The following CCNT2 variants were observed in gnomAD, a reference collection of about 807,000 sequenced individuals.
CCNT2 encodes cyclin-T2.
CCNT2 carries 18 observed loss-of-function variants against 70.0 expected under a neutral mutation model. The observed-to-expected ratio is 0.26, with a 90% CI of 0.18 to 0.38. The LOEUF is 0.38. CCNT2 is among the 10% of genes least tolerant of loss of function. The probability of loss-of-function intolerance (pLI) is 1.00; values close to 1 mark genes in which losing one functional copy is unlikely to be tolerated. For missense variants in CCNT2, 734 were observed against 890.2 expected, an observed-to-expected ratio of 0.82 and a Z score of 2.23; for synonymous variants, 334 against 313.3, an observed-to-expected ratio of 1.07 and a Z score of -0.70.
chr2:134,924,214 T>A (rs1022470482), intron 2 of CCNT2, among the ~76,000 whole-genome samples: 1 of 152,232 alleles, frequency 6.6e-6, no homozygotes, highest in Non-Finnish European at 1.5e-5. Context: ...CACATCCAGT[T>A]GTATTCCATC....
intron 2 of CCNT2, among the ~76,000 whole-genome samples, chr2:134,924,151 C>G (rs1403533367): frequency 6.6e-6 from 1 of 152,192 alleles, no homozygotes; most frequent in African/African-American, 2.4e-5. Flanking sequence ...CCCCAGATAA[C>G]TCTCTTTTCC....
At chr2:134,952,845 T>C (rs1379276191) in intron 8 of CCNT2, 134 bp downstream of exon 8, 1 of 659,206 alleles carries the variant, frequency 1.5e-6, no homozygotes, top group Admixed American at 3.0e-5. Flanking sequence ...AAGTTACATA[T>C]ACTCACATAT....
chr2:134,919,761 G>C (rs1306939285), intron 1 of CCNT2, 49 bp from the exon 2 acceptor site: 1 of 1,394,754 alleles, frequency 7.2e-7, no homozygotes, highest in East Asian at 2.4e-5. Context: ...AATTGTTCTG[G>C]GAATGAGATC....
chr2:134,954,704 G>A lies in CCNT2; in HGVS notation c.*56G>A. 6.5e-6 allele frequency: 8 copies of A among 1,231,060 alleles called. No individual in the cohort carries two copies. Among genetic ancestry groups the A allele is most frequent in the Admixed American group, 1.9e-5 (1 of 52,872 alleles). 76.3% of individuals were successfully genotyped at this position (1,231,060 alleles called of 1,614,324 possible). A position where few individuals can be genotyped will look rare whatever the true frequency, so the allele number is the denominator to read the frequency against. ...TTTTTAATTTAAAAATTGTTAGAAT[G>A]GAAAAATTCCTTCTGATCTAGCAGT... On this transcript the variant is annotated 3_prime_UTR_variant, in exon 9 of 9. Transcript: ENST00000264157.
Position 134,939,046 on chromosome 2 carries a change from A to G in CCNT2, c.414A>G (p.Ile138Met). The change falls in exon 4 of 9, where the codon ATA becomes ATG. Residue 138 changes from isoleucine (I) to methionine (M), a missense_variant. Physicochemically the swap from Ile to Met is conservative, Grantham distance 10 (BLOSUM62 1). Transcript: ENST00000264157. ...QTQELVILET[I>M]MLQTLGFEIT... is the part of the protein sequence containing the mutation. ...AAGAACTGGTTATACTTGAAACCATAATGCTACAAACTCTAGGTACGTACT... is the reference window on the plus strand; with the variant it reads ...AAGAACTGGTTATACTTGAAACCATGATGCTACAAACTCTAGGTACGTACT... 1 of 1,609,948 alleles carries G rather than the reference A, an allele frequency of 6.2e-7. No homozygotes were observed. The highest frequency in any genetic ancestry group is 1.1e-5 in the South Asian group (1 of 90,864).
At chr2:134,919,465 T>C (rs3769027) in intron 1 of CCNT2, among the ~76,000 whole-genome samples, 52,784 of 151,590 alleles carry the variant, frequency 0.35, 9,954 homozygotes, top group Middle Eastern at 0.67. Flanking sequence ...CTTGGGAGCG[T>C]ACTGGAGTTC....
chr2:134,943,661 C>G, intron 5 of CCNT2: 2 of 984,616 alleles, frequency 2.0e-6, no homozygotes, highest in Non-Finnish European at 2.4e-6. Context: ...ACAGCATTTT[C>G]TACTCCTAAA....
At chr2:134,923,274 CTA>C (rs1314943068) in intron 2 of CCNT2, among the ~76,000 whole-genome samples, 1 of 152,058 alleles carries the variant, frequency 6.6e-6, no homozygotes, top group African/African-American at 2.4e-5. Context: ...GAACGAGACT[CTA>C]TCTCAAAAAA....
At position 134,958,970 on chromosome 2, in the gene CCNT2, C is replaced by T. The variant is rs542529667; in HGVS notation, c.*4322C>T. 2.0e-5 allele frequency: 3 copies of T among 152,280 alleles called. No individual in the cohort carries two copies. The highest frequency in any genetic ancestry group is 4.1e-4 in the South Asian group (2 of 4,822). The allele number at this position is 152,280 out of a possible 1,614,324, so 9.4% of individuals were successfully genotyped here. A position where few individuals can be genotyped will look rare whatever the true frequency, so the allele number is the denominator to read the frequency against. ...ATCCATTTATCTCAAAGTTTGAGGG[C>T]TGTCTACTTTATTTTCAAGTTTGGG... On this transcript the variant is annotated 3_prime_UTR_variant, in exon 9 of 9. Coordinates refer to ENST00000264157, the MANE Select transcript of CCNT2 (RefSeq NM_058241.3).
At chr2:134,923,204 C>CT (rs1435155247) in intron 2 of CCNT2, among the ~76,000 whole-genome samples, 1 of 152,132 alleles carries the variant, frequency 6.6e-6, no homozygotes, top group African/African-American at 2.4e-5. Flanking sequence ...TCACTTGAAC[C>CT]TGAGAGGTGG....
chr2:134,944,843 T>C (rs1318591166), intron 5 of CCNT2: 1 of 985,088 alleles, frequency 1.0e-6, no homozygotes, highest in Non-Finnish European at 1.2e-6. Flanking sequence ...GATCACTGAA[T>C]TTAGATACAT....
rs577579213 is a variant in CCNT2, at chr2:134,958,196, T to G, written c.*3548T>G. 3.9e-5 allele frequency: 6 copies of G among 152,362 alleles called. No homozygotes were observed. The highest frequency in any genetic ancestry group is 7.3e-5 in the Non-Finnish European group (5 of 68,032). 9.4% of individuals were successfully genotyped at this position (152,362 alleles called of 1,614,324 possible). A position where few individuals can be genotyped will look rare whatever the true frequency, so the allele number is the denominator to read the frequency against. ...TTTTCTATAGACATGGGGACTTTTT[T>G]AACATGGTAACGTCTTAGGAAAACC... On this transcript the variant is annotated 3_prime_UTR_variant, in exon 9 of 9. Transcript: ENST00000264157.
chr2:134,930,892 T>C (rs1473005007), intron 2 of CCNT2, among the ~76,000 whole-genome samples: 1 of 152,172 alleles, frequency 6.6e-6, no homozygotes, highest in Non-Finnish European at 1.5e-5. Context: ...CCAAGAGTTT[T>C]ATAGATTTAG....
chr2:134,927,942 G>C (rs1680417670), intron 2 of CCNT2, among the ~76,000 whole-genome samples: 1 of 152,156 alleles, frequency 6.6e-6, no homozygotes, highest in Admixed American at 6.5e-5. Context: ...CATGTAACGT[G>C]AATTTTTCTC....
intron 7 of CCNT2, among the ~76,000 whole-genome samples, chr2:134,948,493 T>C (rs577694199): frequency 1.4e-4 from 22 of 152,336 alleles, no homozygotes; most frequent in Non-Finnish European, 2.6e-4. Flanking sequence ...CAGGGGATTG[T>C]GTTTCTTGCT....
At chr2:134,947,559 A>G (rs1226636507) in intron 6 of CCNT2, among the ~76,000 whole-genome samples, 177 bp from the exon 7 acceptor site, 3 of 152,190 alleles carry the variant, frequency 2.0e-5, no homozygotes, top group Non-Finnish European at 2.9e-5. Flanking sequence ...CATTTTATGT[A>G]GATTTTTTAG....
rs1030646181 is a variant in CCNT2, at chr2:134,956,071, C to G, written c.*1423C>G. 1.3e-5 allele frequency: 2 copies of G among 152,552 alleles called. No individual in the cohort carries two copies. The highest frequency in any genetic ancestry group is 2.4e-5 in the African/African-American group (1 of 41,444). The allele number at this position is 152,552 out of a possible 1,614,324, so 9.4% of individuals were successfully genotyped here. A position where few individuals can be genotyped will look rare whatever the true frequency, so the allele number is the denominator to read the frequency against. ...ATATGGCTCTTGTTTATCAGCTAAT[C>G]TTGAATTTATTCTGTGGTAAATCTT... On this transcript the variant is annotated 3_prime_UTR_variant, in exon 9 of 9. Transcript: ENST00000264157.
In CCNT2 at chr2:134,954,619, C is replaced by A. The variant is rs770113338; in HGVS notation, c.2164C>A (p.Leu722Met). The A allele has an allele frequency of 6.2e-7, 1 of 1,608,088 alleles. No homozygotes were observed. The highest frequency in any genetic ancestry group is 8.5e-7 in the Non-Finnish European group (1 of 1,174,974). ...AGACACATTCGACATGCTGGACTCACTGTTAAGTGCCCAAGGAATGAACAT... is the reference window on the plus strand; with the variant it reads ...AGACACATTCGACATGCTGGACTCAATGTTAAGTGCCCAAGGAATGAACAT... The part of the protein sequence containing the change: ...YKDTFDMLDS[L>M]LSAQGMNM Residue 722 changes from leucine to methionine, a missense_variant, in exon 9 of 9, where the codon CTG (leucine) becomes ATG (methionine). Physicochemically the swap from Leu to Met is conservative, Grantham distance 15. This residue lies in a region of CCNT2 where 532 missense variants were observed against 556.9 expected (regional missense o/e 0.96). Transcript: ENST00000264157.
intron 5 of CCNT2, 85 bp downstream of exon 5, chr2:134,942,759 C>A (rs1472837881): frequency 7.0e-7 from 1 of 1,421,670 alleles, no homozygotes; most frequent in Non-Finnish European, 9.4e-7. Context: ...GTTTTTCTAG[C>A]CTTTTGTTAG....
Sources: allele counts gnomAD v4.1 joint callset (sites outside exome capture counted in the v4.1 genomes callset), GRCh38; gene constraint gnomAD v4.1.1; regional missense constraint gnomAD v4.1.1; transcripts MANE v1.5; gene names NCBI Gene and HGNC (gene_info 2026-07-23, HGNC 2026-07-21).